SSX7: variants seen among roughly 807,000 people sequenced by gnomAD.
SSX7 encodes protein SSX7.
SSX7 carries 15 observed loss-of-function variants against 14.7 expected under a neutral mutation model. The observed-to-expected ratio is 1.02, with a 90% CI of 0.68 to 1.58. The LOEUF (loss-of-function observed/expected upper bound fraction) is 1.58, where lower values mean the gene tolerates loss of function less well. Among genes scored for constraint, SSX7 ranks in the 40% most tolerant of loss-of-function variants. SSX7 has a pLI of 0.00. For synonymous variants in SSX7, 46 were observed against 50.6 expected (o/e 0.91, Z 0.38); for missense variants, 178 against 146.8 (o/e 1.21, Z -1.10).
chrX:52,650,360 A>G lies in SSX7; in HGVS notation c.323T>C (p.Phe108Ser), dbSNP rs782729136. 6.6e-6 allele frequency: 8 copies of G among 1,208,777 alleles called. No individual in the cohort carries two copies. The East Asian group carries it at 1.5e-4, about 22-fold the overall frequency. The change falls in exon 5 of 8, where the codon TTC becomes TCC. Residue 108 changes from phenylalanine to serine, a missense_variant. Phe to Ser is a radical substitution (Grantham distance 155). Transcript: ENST00000298181. ...QMTFCRLQRIFPKIMPKKPAE... is the reference protein window; with the variant it reads ...QMTFCRLQRISPKIMPKKPAE... Reference sequence around the variant, plus strand: ...GATCTGAGAGACACTCACCTTCGGGAAGATTCTCTGGAGCCTGCAAAAAGT... The same window carrying G: ...GATCTGAGAGACACTCACCTTCGGGGAGATTCTCTGGAGCCTGCAAAAAGT...
intron 6 of SSX7, among the ~76,000 whole-genome samples, chrX:52,647,135 C>T (rs1370080146): frequency 1.8e-5 from 2 of 112,307 alleles, no homozygotes; most frequent in Non-Finnish European, 3.7e-5. Flanking sequence ...GACCAGAACT[C>T]TCTTCCAGTC....
At position 52,652,386 on chromosome X, in the gene SSX7, C is replaced by T. The variant is rs782055141; in HGVS notation, c.185-39G>A. 16 of 1,024,890 alleles carry T rather than the reference C, an allele frequency of 1.6e-5. No homozygotes were observed. In the South Asian group the frequency reaches 2.7e-4, roughly 17 times the overall value. 84.5% of individuals were successfully genotyped at this position (1,024,890 alleles called of 1,213,427 possible). A position where few individuals can be genotyped will look rare whatever the true frequency, so the allele number is the denominator to read the frequency against. ...AAATGTTTATTCCTTAAGAGACAAG[C>T]TTTGACCTGTCACGGTGGCTCATAT... On this transcript the variant is annotated intron_variant, in intron 3 of 7. Transcript: ENST00000298181.
At chrX:52,651,968 A>G (rs1197904111) in intron 4 of SSX7, among the ~76,000 whole-genome samples, 1 of 102,985 alleles carries the variant, frequency 9.7e-6, no homozygotes, top group East Asian at 3.5e-4. Flanking sequence ...TCCCTCCTCC[A>G]CTTACAGCCA....
intron 1 of SSX7, among the ~76,000 whole-genome samples, chrX:52,654,541 T>G (rs1445895219): frequency 2.8e-5 from 3 of 107,527 alleles, no homozygotes; most frequent in Non-Finnish European, 3.8e-5. Flanking sequence ...CCCAAATTTG[T>G]TAAGTTACTA....
At chrX:52,649,824 G>A (rs1358476929) in intron 5 of SSX7, among the ~76,000 whole-genome samples, 6 of 112,652 alleles carry the variant, frequency 5.3e-5, no homozygotes, top group African/African-American at 1.9e-4. Flanking sequence ...AAATGCAAAC[G>A]TGAATGAGCT....
chrX:52,648,324 C>G lies in SSX7; in HGVS notation c.403G>C (p.Asp135His). 1 of 1,211,865 alleles carries G rather than the reference C, an allele frequency of 8.3e-7. No individual in the cohort carries two copies. The stretch of plus-strand genomic sequence containing the variant: ...CCTGGAGGGCACAGGTGTTTCCCAT[C>G]GTTCTGTGAGCCAGATGCTTCTGGC... ...GVPEASGSQN[D>H]GKHLCPPGKP... Residue 135 changes from aspartate (D) to histidine (H), a missense_variant, in exon 6 of 8, where the codon GAT (aspartate) becomes CAT (histidine). By Grantham distance (81) the Asp-to-His change is moderately conservative. Transcript: ENST00000298181.
chrX:52,650,744 T>C (rs1456285452), intron 4 of SSX7, among the ~76,000 whole-genome samples: 1 of 112,428 alleles, frequency 8.9e-6, no homozygotes, highest in African/African-American at 3.2e-5. Flanking sequence ...TGAAAATCAT[T>C]GCACACTTCA....
Position 52,645,459 on chromosome X carries a change from T to C in SSX7, c.551A>G (p.Glu184Gly). 8.4e-7 allele frequency: 1 copy of C among 1,196,814 alleles called. No homozygotes were observed. The highest frequency in any genetic ancestry group is 1.1e-6 in the Non-Finnish European group (1 of 886,086). ...CTTACGGAGTTACTCGTCGTCTTCT[T>C]CAGGGTCGCTGATCTCTTCATAAAT... is the stretch of plus-strand genomic sequence containing the variant. ...LVIYEEISDP[E>G]EDDE is the part of the protein sequence containing the mutation. The change falls in exon 7 of 8, where the codon GAA becomes GGA. Residue 184 changes from glutamate (E) to glycine (G), a missense_variant. Physicochemically the swap from Glu to Gly is moderately conservative, Grantham distance 98. Coordinates refer to ENST00000298181, the MANE Select transcript of SSX7 (RefSeq NM_173358.2).
chrX:52,646,476 A>G (rs1170487632), intron 6 of SSX7, among the ~76,000 whole-genome samples: 2 of 112,899 alleles, frequency 1.8e-5, no homozygotes, highest in Non-Finnish European at 3.7e-5. Flanking sequence ...TAGGGTATCC[A>G]TCCCTTCAAC....
In SSX7 at chrX:52,650,396, C is replaced by T. The variant is rs782562552; in HGVS notation, c.287G>A (p.Arg96His). 5.5e-5 allele frequency: 67 copies of T among 1,207,843 alleles called. No individual in the cohort carries two copies. Among genetic ancestry groups the T allele is most frequent in the Admixed American group, 3.5e-4 (16 of 45,702 alleles). Residue 96 changes from arginine (R) to histidine (H), a missense_variant, in exon 5 of 8, where the codon CGT (arginine) becomes CAT (histidine). Arg to His is a conservative substitution (Grantham distance 29, BLOSUM62 0). Coordinates refer to ENST00000298181, the MANE Select transcript of SSX7 (RefSeq NM_173358.2). ...GAGCCTGCAAAAAGTCATCTGAGGA[C>T]GTTCAACTGAAAGAGAATATATCAG... ...NDRNQGNQVE[R>H]PQMTFCRLQR...
At chrX:52,648,161 G>A in intron 6 of SSX7, 100 bp downstream of exon 6, 1 of 1,108,146 alleles carries the variant, frequency 9.0e-7, no homozygotes, top group Non-Finnish European at 1.2e-6. Flanking sequence ...AGCCCAGCCT[G>A]GACCCAGGCT....
At chrX:52,654,489 T>G (rs1215326521) in intron 1 of SSX7, among the ~76,000 whole-genome samples, 7 of 102,082 alleles carry the variant, frequency 6.9e-5, no homozygotes, top group Non-Finnish European at 1.4e-4. Context: ...AGCTGTGGCC[T>G]CCAAAACTGC....
chrX:52,651,995 G>A lies in SSX7; in HGVS notation c.280+257C>T, dbSNP rs1201210449. ...TTACAGCCAGTCACCTCAATTTGAT[G>A]GCTTTTTATTCACATTCATGTTTGT... On this transcript the variant is annotated intron_variant, in intron 4 of 7. Transcript: ENST00000298181. Among the ~76,000 whole-genome samples, 3 of 107,101 alleles carry A rather than the reference G, an allele frequency of 2.8e-5. No individual in the cohort carries two copies. The East Asian group carries it at 9.5e-4, about 34-fold the overall frequency. The allele number at this position is 107,101 out of a possible 115,157, so 93.0% of individuals were successfully genotyped here.
chrX:52,646,312 C>A (rs1925244136), intron 6 of SSX7, among the ~76,000 whole-genome samples: 1 of 112,619 alleles, frequency 8.9e-6, no homozygotes, highest in African/African-American at 3.2e-5. Context: ...ATCTGCCTGC[C>A]TCGGCCTCCC....
At chrX:52,651,659 G>C (rs1925433930) in intron 4 of SSX7, among the ~76,000 whole-genome samples, 1 of 111,310 alleles carries the variant, frequency 9.0e-6, no homozygotes, top group Middle Eastern at 4.2e-3. Context: ...TGGATCACCT[G>C]AGGTCAGGAA....
Position 52,652,248 on chromosome X carries a change from T to C in SSX7, c.280+4A>G. 16 of 1,195,384 alleles carry C rather than the reference T, an allele frequency of 1.3e-5. No individual in the cohort carries two copies. The highest frequency in any genetic ancestry group is 2.3e-4 in the Middle Eastern group (1 of 4,303). On this transcript the variant is annotated splice_donor_region_variant and intron_variant, in intron 4 of 7. Transcript: ENST00000298181. ...CCCTTTCCAGCCCCTTCCCGTCTAC[T>C]CACCCTGATTCCCTTGGTTACGGTC...
chrX:52,653,109 T>C, intron 2 of SSX7, 125 bp from the exon 3 acceptor site: 1 of 1,168,948 alleles, frequency 8.6e-7, no homozygotes, highest in Non-Finnish European at 1.1e-6. Flanking sequence ...ACCGACAACA[T>C]GAGCGACCTT....
intron 1 of SSX7, among the ~76,000 whole-genome samples, chrX:52,653,718 G>A (rs1243160063): frequency 1.8e-5 from 2 of 110,737 alleles, no homozygotes; most frequent in African/African-American, 6.6e-5. Context: ...CTTCCTGTGG[G>A]CAAAGCAGCC....
chrX:52,651,090 C>A (rs1197748177), intron 4 of SSX7, among the ~76,000 whole-genome samples: 2 of 112,006 alleles, frequency 1.8e-5, no homozygotes, highest in African/African-American at 6.5e-5. Flanking sequence ...TACCGAAGAA[C>A]CTGTCTTTTT....
Sources: gnomAD v4.1 joint callset for allele counts (sites outside exome capture counted in the v4.1 genomes callset) on GRCh38, gnomAD v4.1.1 for gene constraint, MANE v1.5 for transcripts, NCBI Gene and HGNC (gene_info 2026-07-23, HGNC 2026-07-21) for gene names.